The following LSAMP variants were observed in gnomAD, a reference collection of about 807,000 sequenced individuals.
The protein encoded by LSAMP is limbic system associated membrane protein.
A neutral mutation model predicts 38.6 loss-of-function variants in LSAMP; 7 were observed. That is an observed-to-expected ratio of 0.18 (90% CI 0.10 to 0.34). LSAMP has a LOEUF of 0.34. Among genes scored for constraint, LSAMP ranks in the 10% least tolerant of loss-of-function variants. The pLI is 1.00. For synonymous variants in LSAMP, 154 were observed against 166.8 expected (o/e 0.92, Z 0.59); for missense variants, 313 against 420.0 (o/e 0.75, Z 2.23).
At chr3:115,850,210 A>C (rs1031546938) in intron 4 of LSAMP, among the ~76,000 whole-genome samples, 8 of 152,208 alleles carry the variant, frequency 5.3e-5, no homozygotes, top group Admixed American at 5.2e-4. Context: ...GGGACAGTCA[A>C]GAAGAAGCAA....
In LSAMP at chr3:116,203,641, T is replaced by C. The variant is rs1559781341; in HGVS notation, c.156-117085A>G. On this transcript the variant is annotated intron_variant, in intron 1 of 6. Transcript: ENST00000490035. ...TTCAATTCCCACCTATGAGTGAGAA[T>C]ATGCGGTGTTTGGTTTTTTTGTTCT... Among the ~76,000 whole-genome samples, 7 of 147,550 alleles carry C rather than the reference T, an allele frequency of 4.7e-5. No homozygotes were observed. The South Asian group carries it at 1.1e-3, about 22-fold the overall frequency.
intron 2 of LSAMP, among the ~76,000 whole-genome samples, chr3:116,048,613 C>A (rs922494663): frequency 2.0e-5 from 3 of 152,194 alleles, no homozygotes; most frequent in Admixed American, 2.0e-4. Flanking sequence ...TTTGCATTCA[C>A]ACTACCCTAA....
intron 1 of LSAMP, among the ~76,000 whole-genome samples, chr3:116,226,194 C>A (rs947543923): frequency 1.3e-5 from 2 of 152,182 alleles, no homozygotes; most frequent in Non-Finnish European, 2.9e-5. Flanking sequence ...CCTCAAAACA[C>A]CTCTTCTCCT....
chr3:116,226,042 T>A (rs2046338472), intron 1 of LSAMP, among the ~76,000 whole-genome samples: 1 of 152,190 alleles, frequency 6.6e-6, no homozygotes, highest in Admixed American at 6.5e-5. Context: ...TCCTCAAATC[T>A]TCCTTTTCCT....
intron 1 of LSAMP, among the ~76,000 whole-genome samples, chr3:116,220,387 A>G (rs896082523): frequency 2.0e-5 from 3 of 151,980 alleles, no homozygotes; most frequent in African/African-American, 7.3e-5. Context: ...ACACACACAC[A>G]CACACACAAA....
At chr3:116,332,596 C>T (rs1307403980) in intron 1 of LSAMP, among the ~76,000 whole-genome samples, 2 of 151,996 alleles carry the variant, frequency 1.3e-5, no homozygotes, top group Non-Finnish European at 2.9e-5. Flanking sequence ...AGTTATGAGG[C>T]ATATAGGAAG....
chr3:116,035,735 A>G (rs1015746446), intron 2 of LSAMP, among the ~76,000 whole-genome samples: 2 of 152,072 alleles, frequency 1.3e-5, no homozygotes, highest in Non-Finnish European at 2.9e-5. Context: ...TTCCTGGAAA[A>G]ATGAATGTGT....
chr3:115,944,872 A>G (rs1446846548), intron 3 of LSAMP, among the ~76,000 whole-genome samples: 1 of 152,106 alleles, frequency 6.6e-6, no homozygotes, highest in African/African-American at 2.4e-5. Flanking sequence ...GTTCCCTCTC[A>G]CTGTGCATTT....
intron 3 of LSAMP, among the ~76,000 whole-genome samples, chr3:115,854,276 ATTATTATT>A (rs1245397331): frequency 5.0e-5 from 6 of 119,602 alleles, no homozygotes; most frequent in African/African-American, 2.0e-4. Flanking sequence ...TATTATTATT[ATTATTATT>A]TTTTTTTTTT....
chr3:116,276,874 T>C (rs563425715), intron 1 of LSAMP, among the ~76,000 whole-genome samples: 79 of 152,284 alleles, frequency 5.2e-4, no homozygotes, highest in Non-Finnish European at 1.0e-3. Flanking sequence ...CGTTACTGAA[T>C]GGACCAATTA....
chr3:116,025,837 T>A (rs1940777892), intron 2 of LSAMP, among the ~76,000 whole-genome samples: 3 of 152,192 alleles, frequency 2.0e-5, no homozygotes, highest in South Asian at 4.1e-4. Context: ...TTAAAATATA[T>A]CATTAATTTT....
intron 1 of LSAMP, among the ~76,000 whole-genome samples, chr3:116,402,816 C>G (rs1380514168): frequency 6.6e-6 from 1 of 151,448 alleles, no homozygotes; most frequent in Non-Finnish European, 1.5e-5. Context: ...GTAAAACCCC[C>G]CTTCTCAGCA....
intron 2 of LSAMP, among the ~76,000 whole-genome samples, chr3:116,070,578 T>A (rs1021021992): frequency 2.6e-4 from 39 of 152,338 alleles, no homozygotes; most frequent in African/African-American, 9.1e-4. Flanking sequence ...TGTTCTTTTT[T>A]AAAATTTAAA....
intron 1 of LSAMP, among the ~76,000 whole-genome samples, chr3:116,355,713 T>C (rs909069987): frequency 6.6e-6 from 1 of 152,074 alleles, no homozygotes; most frequent in Non-Finnish European, 1.5e-5. Context: ...AACCAGAATA[T>C]ACAAGGAGCT....
chr3:116,002,729 C>T (rs528786400), intron 3 of LSAMP, among the ~76,000 whole-genome samples: 1 of 152,128 alleles, frequency 6.6e-6, no homozygotes, highest in Admixed American at 6.5e-5. Context: ...GACAAATGTC[C>T]TCTCTGCTAA....
At chr3:116,295,761 G>A (rs982879816) in intron 1 of LSAMP, among the ~76,000 whole-genome samples, 11 of 152,106 alleles carry the variant, frequency 7.2e-5, no homozygotes, top group African/African-American at 2.7e-4. Context: ...GACCCTCCAA[G>A]TCCCAAAAAG....
At chr3:116,242,709 G>A (rs1042147983) in intron 1 of LSAMP, among the ~76,000 whole-genome samples, 5 of 150,590 alleles carry the variant, frequency 3.3e-5, no homozygotes, top group African/African-American at 1.2e-4. Context: ...CTTTTCTTCT[G>A]TACTGATCTT....
At chr3:116,430,711 C>T (rs983512242) in intron 1 of LSAMP, among the ~76,000 whole-genome samples, 1 of 151,722 alleles carries the variant, frequency 6.6e-6, no homozygotes, top group Admixed American at 6.6e-5. Flanking sequence ...TATAAAGAAC[C>T]AGAGGCTTAG....
chr3:115,886,547 T>C (rs1936458727), intron 3 of LSAMP, among the ~76,000 whole-genome samples: 1 of 152,044 alleles, frequency 6.6e-6, no homozygotes, highest in Non-Finnish European at 1.5e-5. Flanking sequence ...CTCCATGTTT[T>C]TCTTTCAGAC....
Sources: gnomAD v4.1 joint callset for allele counts (sites outside exome capture counted in the v4.1 genomes callset) on GRCh38, gnomAD v4.1.1 for gene constraint, MANE v1.5 for transcripts, NCBI Gene and HGNC (gene_info 2026-07-23, HGNC 2026-07-21) for gene names.